TRIM44: variants seen among roughly 807,000 people sequenced by gnomAD.
TRIM44 encodes the protein tripartite motif containing 44.
In TRIM44, 13 loss-of-function variants were observed where a neutral mutation model predicts 37.4. The ratio of observed to expected loss-of-function variants is 0.35; its 90% CI spans 0.23 to 0.55. The LOEUF is 0.55. Ranked by LOEUF, TRIM44 falls within the 20% of genes least tolerant of loss-of-function variation. The probability of loss-of-function intolerance (pLI) is 0.89; values close to 1 mark genes in which losing one functional copy is unlikely to be tolerated. For synonymous variants in TRIM44, 175 were observed against 157.2 expected (o/e 1.11, Z -0.85); for missense variants, 426 against 437.2 (o/e 0.97, Z 0.23).
intron 2 of TRIM44, among the ~76,000 whole-genome samples, chr11:35,701,056 C>T (rs1319700099): frequency 2.6e-5 from 4 of 151,978 alleles, no homozygotes; most frequent in Admixed American, 6.6e-5. Flanking sequence ...AGGGTGGAGT[C>T]CTTGGAAGAA....
At chr11:35,688,538 C>T (rs1851606323) in intron 2 of TRIM44, among the ~76,000 whole-genome samples, 1 of 152,102 alleles carries the variant, frequency 6.6e-6, no homozygotes, top group East Asian at 1.9e-4. Context: ...AATTCTTTTA[C>T]AAAATTATAC....
At position 35,760,056 on chromosome 11, in the gene TRIM44, G is replaced by T. The variant is rs183107812; in HGVS notation, c.1007+24611G>T. Among the ~76,000 whole-genome samples the T allele has an allele frequency of 1.8e-3, 281 of 152,346 alleles. 2 individuals carry two copies. Among genetic ancestry groups the T allele is most frequent in the African/African-American group, 6.5e-3 (270 of 41,590 alleles). On this transcript the variant is annotated intron_variant, in intron 4 of 4. Transcript: ENST00000299413. ...GACATATAAGTCTGCAGAGGTTTCTGCTGCGTTTTGTTTGCTTATGCCCTG... is the reference window on the plus strand; with the variant it reads ...GACATATAAGTCTGCAGAGGTTTCTTCTGCGTTTTGTTTGCTTATGCCCTG...
At chr11:35,758,465 T>C (rs1852677773) in intron 4 of TRIM44, among the ~76,000 whole-genome samples, 1 of 152,230 alleles carries the variant, frequency 6.6e-6, no homozygotes, top group Non-Finnish European at 1.5e-5. Context: ...TTTGCCAGTC[T>C]GTGTCTTTTA....
At chr11:35,710,592 A>G (rs1424376461) in intron 2 of TRIM44, among the ~76,000 whole-genome samples, 1 of 152,260 alleles carries the variant, frequency 6.6e-6, no homozygotes, top group East Asian at 1.9e-4. Flanking sequence ...CAGGAAAAGC[A>G]TAGTAAACAA....
At chr11:35,777,110 A>G (rs1228490679) in intron 4 of TRIM44, among the ~76,000 whole-genome samples, 2 of 152,146 alleles carry the variant, frequency 1.3e-5, no homozygotes, top group Non-Finnish European at 2.9e-5. Flanking sequence ...GTAGGTCTCT[A>G]AGGACTTGCT....
chr11:35,756,989 A>G (rs1043200562), intron 4 of TRIM44, among the ~76,000 whole-genome samples: 1 of 152,170 alleles, frequency 6.6e-6, no homozygotes, highest in Non-Finnish European at 1.5e-5. Flanking sequence ...TGTCTCTGCC[A>G]GGCTTTGGTA....
At chr11:35,718,796 G>A (rs1852067351) in intron 2 of TRIM44, among the ~76,000 whole-genome samples, 1 of 151,804 alleles carries the variant, frequency 6.6e-6, no homozygotes, top group Non-Finnish European at 1.5e-5. Flanking sequence ...ATAATGACAT[G>A]TAGTTGATTC....
At chr11:35,742,483 TTGTATTATA>T (rs1245667389) in intron 4 of TRIM44, among the ~76,000 whole-genome samples, 1 of 135,698 alleles carries the variant, frequency 7.4e-6, no homozygotes, top group Non-Finnish European at 1.5e-5. Context: ...ATTATATTAA[TTGTATTATA>T]TATAATTATA....
chr11:35,763,570 T>G lies in TRIM44; in HGVS notation c.1007+28125T>G, dbSNP rs144851110. 2.8e-3 allele frequency among the ~76,000 whole-genome samples: 430 copies of G among 152,324 alleles called. 1 individual carries two copies. Among genetic ancestry groups the G allele is most frequent in the African/African-American group, 9.7e-3 (404 of 41,574 alleles). On this transcript the variant is annotated intron_variant, in intron 4 of 4. Transcript: ENST00000299413. ...ATTTATAAAATGAGAGTCCTGAGTT[T>G]GATGTGGTCCCTAAGGTTCCTTCCA... is the stretch of plus-strand genomic sequence containing the variant.
At chr11:35,774,550 A>G (rs1320773770) in intron 4 of TRIM44, among the ~76,000 whole-genome samples, 5 of 152,166 alleles carry the variant, frequency 3.3e-5, no homozygotes, top group African/African-American at 4.8e-5. Flanking sequence ...GCCCCTGCCT[A>G]TGTCCTGAAT....
At chr11:35,719,038 A>G (rs766270635) in intron 2 of TRIM44, among the ~76,000 whole-genome samples, 2 of 152,166 alleles carry the variant, frequency 1.3e-5, no homozygotes, top group South Asian at 4.1e-4. Context: ...AAAAGTTGCT[A>G]TAAACATCTG....
At chr11:35,738,434 A>C (rs1852353151) in intron 4 of TRIM44, among the ~76,000 whole-genome samples, 1 of 152,190 alleles carries the variant, frequency 6.6e-6, no homozygotes, top group Non-Finnish European at 1.5e-5. Flanking sequence ...AGTCCATTGG[A>C]CTAGGAGTTG....
chr11:35,723,977 C>T (rs1426422199), intron 2 of TRIM44, among the ~76,000 whole-genome samples: 1 of 152,140 alleles, frequency 6.6e-6, no homozygotes, highest in Non-Finnish European at 1.5e-5. Context: ...AAACACAAAT[C>T]ACAGTTCTCA....
chr11:35,803,491 G>A (rs535273444), intron 4 of TRIM44, among the ~76,000 whole-genome samples: 10 of 152,144 alleles, frequency 6.6e-5, no homozygotes, highest in Non-Finnish European at 1.0e-4. Flanking sequence ...AGCACTTTGG[G>A]AGACTGGGGC....
intron 2 of TRIM44, among the ~76,000 whole-genome samples, chr11:35,723,582 A>T (rs966459015): frequency 6.6e-6 from 1 of 152,238 alleles, no homozygotes; most frequent in Non-Finnish European, 1.5e-5. Context: ...ATACAGTGTC[A>T]TGCTGAAAAC....
chr11:35,721,645 T>G (rs1389613025), intron 2 of TRIM44, among the ~76,000 whole-genome samples: 2 of 152,202 alleles, frequency 1.3e-5, no homozygotes. Flanking sequence ...AATGTTCACT[T>G]CAGTAAACTT....
intron 4 of TRIM44, among the ~76,000 whole-genome samples, chr11:35,801,705 A>T (rs1192069339): frequency 6.6e-6 from 1 of 152,154 alleles, no homozygotes; most frequent in Non-Finnish European, 1.5e-5. Context: ...ACCACATCAG[A>T]CAGTAAGCCC....
intron 4 of TRIM44, among the ~76,000 whole-genome samples, chr11:35,766,824 C>T (rs191682006): frequency 1.3e-5 from 2 of 152,318 alleles, no homozygotes; most frequent in East Asian, 3.9e-4. Flanking sequence ...TCACCAGCCT[C>T]CCTGGATACT....
At chr11:35,789,911 C>T (rs908082728) in intron 4 of TRIM44, among the ~76,000 whole-genome samples, 3 of 152,114 alleles carry the variant, frequency 2.0e-5, no homozygotes, top group South Asian at 2.1e-4. Flanking sequence ...ATCGTGAATA[C>T]ATCTTATGAC....
Sources: allele counts gnomAD v4.1 joint callset (sites outside exome capture counted in the v4.1 genomes callset), GRCh38; gene constraint gnomAD v4.1.1; transcripts MANE v1.5; gene names NCBI Gene and HGNC (gene_info 2026-07-23, HGNC 2026-07-21).